Variants in PRAC1 observed in about 807,000 individuals in gnomAD.
PRAC1 encodes the protein small nuclear protein PRAC1.
PRAC1 carries 4 observed loss-of-function variants against 3.1 expected under a neutral mutation model. The observed-to-expected ratio is 1.28, with a 90% CI of 0.63 to 2.93. The LOEUF (loss-of-function observed/expected upper bound fraction) is 2.93. PRAC1 is among the 30% of genes most tolerant of loss of function. The pLI is 0.01. For synonymous variants in PRAC1, 32 were observed against 27.0 expected (o/e 1.18, Z -0.57); for missense variants, 72 against 66.8 (o/e 1.08, Z -0.27).
intron 1 of PRAC1, 56 bp from the exon 2 acceptor site, chr17:48,721,955 A>G (rs1197263249): frequency 2.8e-5 from 41 of 1,447,628 alleles, no homozygotes; most frequent in South Asian, 1.0e-4. Context: ...TATCAATATT[A>G]ATTTTGCTTA....
At chr17:48,722,034 C>G in intron 1 of PRAC1, 135 bp from the exon 2 acceptor site, 1 of 1,030,610 alleles carries the variant, frequency 9.7e-7, no homozygotes, top group Non-Finnish European at 1.4e-6. Flanking sequence ...GGTGCTAGTT[C>G]CCACTCCCAA....
In PRAC1 at chr17:48,722,361, G is replaced by T. The variant is rs778844899; in HGVS notation, c.32C>A (p.Pro11Gln). The T allele has an allele frequency of 1.2e-6, 2 of 1,614,208 alleles. No individual in the cohort carries two copies. The highest frequency in any genetic ancestry group is 1.7e-5 in the Admixed American group (1 of 60,030). Residue 11 changes from proline to glutamine, a missense_variant, in exon 1 of 2, where the codon CCG becomes CAG. Transcript: ENST00000290294. ...ACTCTTGGAGGTAGTAAGATGGGCC[G>T]GTCCTTGATCTGAGAAATGGGCGCA... MLCAHFSDQG[P>Q]AHLTTSKSAF...
chr17:48,721,848 C>G lies in PRAC1; in HGVS notation c.127G>C (p.Ala43Pro), dbSNP rs2038148073. The G allele has an allele frequency of 1.9e-6, 3 of 1,543,830 alleles. No individual in the cohort carries two copies. Among genetic ancestry groups the G allele is most frequent in the Middle Eastern group, 1.7e-4 (1 of 5,728 alleles). The change falls in exon 2 of 2, where the codon GCC becomes CCC. Residue 43 changes from alanine to proline, a missense_variant. Coordinates refer to ENST00000290294, the MANE Select transcript of PRAC1 (RefSeq NM_032391.3). ...LLGETRSDGS[A>P]CNSGISGGRG... is the part of the protein sequence containing the mutation. ...CCTCCCGAAATTCCAGAATTACAGG[C>G]TGAGCCATCACTCCTGGTCTCGCCC...
chr17:48,722,270 A>T, intron 1 of PRAC1, 48 bp downstream of exon 1: 4 of 1,499,588 alleles, frequency 2.7e-6, no homozygotes, highest in Non-Finnish European at 3.7e-6. Flanking sequence ...TGCAGCTACC[A>T]TACTGAGCGA....
chr17:48,721,754 A>C lies in PRAC1; in HGVS notation c.*47T>G, dbSNP rs1298057455. On this transcript the variant is annotated 3_prime_UTR_variant, in exon 2 of 2. Coordinates refer to ENST00000290294, the MANE Select transcript of PRAC1 (RefSeq NM_032391.3). ...TAAAAAAATTTTATTGTATAAATAG[A>C]GACAGCGTCTTGCTACATTGCCCAG... The C allele has an allele frequency of 2.8e-6, 4 of 1,447,204 alleles. No homozygotes were observed. The highest frequency in any genetic ancestry group is 3.7e-6 in the Non-Finnish European group (4 of 1,095,184). The allele number at this position is 1,447,204 out of a possible 1,614,324, so 89.6% of individuals were successfully genotyped here.
Position 48,722,402 on chromosome 17 carries a change from C to T in PRAC1, c.-10G>A. On this transcript the variant is annotated 5_prime_UTR_variant, in exon 1 of 2. Transcript: ENST00000290294. Reference sequence around the variant, plus strand: ...AATGGGCGCACAACATCGCTGTTCTCTCTGCAAAGGTGGGGACCAGAATCC... The same window carrying T: ...AATGGGCGCACAACATCGCTGTTCTTTCTGCAAAGGTGGGGACCAGAATCC... 6.2e-7 allele frequency: 1 copy of T among 1,613,928 alleles called. No homozygotes were observed. The highest frequency in any genetic ancestry group is 8.5e-7 in the Non-Finnish European group (1 of 1,179,770).
chr17:48,722,478 A>G lies in PRAC1; in HGVS notation c.-86T>C. On this transcript the variant is annotated 5_prime_UTR_variant, in exon 1 of 2. Coordinates refer to ENST00000290294, the MANE Select transcript of PRAC1 (RefSeq NM_032391.3). ...ATCGGCCTAAAGGTTTCAGCCTCCC[A>G]GTGGCGCTCTGTTTGCACGCCTTAG... 1 of 1,173,608 alleles carries G rather than the reference A, an allele frequency of 8.5e-7. No homozygotes were observed. The highest frequency in any genetic ancestry group is 2.3e-5 in the East Asian group (1 of 42,790). The allele number at this position is 1,173,608 out of a possible 1,614,324, so 72.7% of individuals were successfully genotyped here.
Position 48,721,864 on chromosome 17 carries a change from G to C in PRAC1, c.111C>G (p.Thr37=). 6.5e-7 allele frequency: 1 copy of C among 1,538,430 alleles called. No individual in the cohort carries two copies. ...AATTACAGGCTGAGCCATCACTCCT[G>C]GTCTCGCCCAGTAGATGTTTCAAAG... ...TSTLKHLLGE[T]RSDGSACNSG... Residue 37 remains threonine (T), a synonymous_variant, in exon 2 of 2, where the codon ACC becomes ACG. Coordinates refer to ENST00000290294, the MANE Select transcript of PRAC1 (RefSeq NM_032391.3).
rs1011114601 is a variant in PRAC1, at chr17:48,722,036, C to T, written c.76-137G>A. ...AGACCTTACAGCGGGTGCTAGTTCC[C>T]ACTCCCAAGCCTCTCCCCCGCCTAG... On this transcript the variant is annotated intron_variant, in intron 1 of 1. Coordinates refer to ENST00000290294, the MANE Select transcript of PRAC1 (RefSeq NM_032391.3). 7 of 1,005,446 alleles carry T rather than the reference C, an allele frequency of 7.0e-6. No individual in the cohort carries two copies. The East Asian group carries it at 1.6e-4, about 23-fold the overall frequency. 62.3% of individuals were successfully genotyped at this position (1,005,446 alleles called of 1,614,324 possible).
intron 1 of PRAC1, among the ~76,000 whole-genome samples, chr17:48,722,111 C>G (rs1014833888): frequency 6.6e-6 from 1 of 152,078 alleles, no homozygotes; most frequent in Non-Finnish European, 1.5e-5. Context: ...CCCTTTCTGC[C>G]CAGGGCGGCT....
chr17:48,722,297 T>C (rs771717210), intron 1 of PRAC1, 21 bp downstream of exon 1: 1 of 1,603,574 alleles, frequency 6.2e-7, no homozygotes. Flanking sequence ...GATAACGCCC[T>C]TGGCCCACCG....
rs116043950 is a variant in PRAC1 at position 48,721,857 on chromosome 17, C to T, written c.118G>A (p.Asp40Asn). 1.1e-3 allele frequency: 1,755 copies of T among 1,541,592 alleles called. 25 individuals are homozygous for T. In the African/African-American group the frequency reaches 0.021, roughly 18 times the overall value. The change falls in exon 2 of 2, where the codon GAT becomes AAT. Residue 40 changes from aspartate to asparagine, a missense_variant. Coordinates refer to ENST00000290294, the MANE Select transcript of PRAC1 (RefSeq NM_032391.3). ...ATTCCAGAATTACAGGCTGAGCCATCACTCCTGGTCTCGCCCAGTAGATGT... is the reference window on the plus strand; with the variant it reads ...ATTCCAGAATTACAGGCTGAGCCATTACTCCTGGTCTCGCCCAGTAGATGT... ...LKHLLGETRS[D>N]GSACNSGISG...
rs2143040759 is a variant in PRAC1, at chr17:48,721,801, T to C, written c.174A>G (p.Ter58TrpextTer?). The change falls in exon 2 of 2, where the codon TGA becomes TGG. Residue 58 changes from the stop codon to tryptophan (W), a stop_lost. Coordinates refer to ENST00000290294, the MANE Select transcript of PRAC1 (RefSeq NM_032391.3). ...CCAGGCTGGTCTGGAACTCCTGTGC[T>C]CAAGGAATCTTCCTGCCTCGGCCTC... ...ISGGRGRKIP[*>W] 1 of 1,539,668 alleles carries C rather than the reference T, an allele frequency of 6.5e-7. No homozygotes were observed. Among genetic ancestry groups the C allele is most frequent in the South Asian group, 1.2e-5 (1 of 82,000 alleles).
chr17:48,722,257 T>TGA, intron 1 of PRAC1, 61 bp downstream of exon 1: 1 of 1,420,566 alleles, frequency 7.0e-7, no homozygotes, highest in Non-Finnish European at 1.0e-6. Context: ...CAGGGCCTCC[T>TGA]GATGCAGCTA....
In PRAC1 at chr17:48,722,482, G is replaced by A. The variant is rs2038156730; in HGVS notation, c.-90C>T. The A allele has an allele frequency of 8.7e-7, 1 of 1,144,066 alleles. No individual in the cohort carries two copies. Among genetic ancestry groups the A allele is most frequent in the Non-Finnish European group, 1.3e-6 (1 of 754,998 alleles). 70.9% of individuals were successfully genotyped at this position (1,144,066 alleles called of 1,614,324 possible). A position where few individuals can be genotyped will look rare whatever the true frequency, so the allele number is the denominator to read the frequency against. ...GCCTAAAGGTTTCAGCCTCCCAGTG[G>A]CGCTCTGTTTGCACGCCTTAGGCTA... On this transcript the variant is annotated 5_prime_UTR_variant, in exon 1 of 2. Coordinates refer to ENST00000290294, the MANE Select transcript of PRAC1 (RefSeq NM_032391.3).
In PRAC1 at chr17:48,721,918, T is replaced by C; in HGVS notation, c.76-19A>G. On this transcript the variant is annotated intron_variant, in intron 1 of 1. Transcript: ENST00000290294. ...ATGTTTTCTAAAATATTTTACAATA[T>C]TTACAAATTTTAAATAATAATAACG... The C allele has an allele frequency of 6.7e-7, 1 of 1,494,930 alleles. No homozygotes were observed. The highest frequency in any genetic ancestry group is 8.9e-7 in the Non-Finnish European group (1 of 1,120,446). The allele number at this position is 1,494,930 out of a possible 1,614,324, so 92.6% of individuals were successfully genotyped here. A position where few individuals can be genotyped will look rare whatever the true frequency, so the allele number is the denominator to read the frequency against.
intron 1 of PRAC1, 36 bp from the exon 2 acceptor site, chr17:48,721,935 A>C: frequency 1.4e-6 from 2 of 1,479,662 alleles, no homozygotes; most frequent in Non-Finnish European, 1.8e-6. Context: ...ATTTTAAATA[A>C]TAATAACGTT....
chr17:48,722,487 C>G lies in PRAC1; in HGVS notation c.-95G>C. 1.9e-6 allele frequency: 2 copies of G among 1,027,844 alleles called. No individual in the cohort carries two copies. Among genetic ancestry groups the G allele is most frequent in the Non-Finnish European group, 3.1e-6 (2 of 650,672 alleles). 63.7% of individuals were successfully genotyped at this position (1,027,844 alleles called of 1,614,324 possible). On this transcript the variant is annotated 5_prime_UTR_variant, in exon 1 of 2. Transcript: ENST00000290294. ...AAGGTTTCAGCCTCCCAGTGGCGCT[C>G]TGTTTGCACGCCTTAGGCTAGGAGA...
At chr17:48,721,989 G>T (rs1367003432) in intron 1 of PRAC1, 90 bp from the exon 2 acceptor site, 1 of 1,337,628 alleles carries the variant, frequency 7.5e-7, no homozygotes, top group African/African-American at 1.5e-5. Context: ...TCCCATTGGA[G>T]ACAAACATTA....
Sources: allele counts gnomAD v4.1 joint callset (sites outside exome capture counted in the v4.1 genomes callset), GRCh38; gene constraint gnomAD v4.1.1; transcripts MANE v1.5; gene names NCBI Gene and HGNC (gene_info 2026-07-23, HGNC 2026-07-21).